PTPRD: variants seen among roughly 807,000 people sequenced by gnomAD.
The protein encoded by PTPRD is protein tyrosine phosphatase receptor type D.
In PTPRD, 34 loss-of-function variants were observed where a neutral mutation model predicts 214.5. The ratio of observed to expected loss-of-function variants is 0.16; its 90% confidence interval spans 0.12 to 0.21. The LOEUF (loss-of-function observed/expected upper bound fraction) is 0.21. PTPRD is among the 10% of genes least tolerant of loss of function. PTPRD has a pLI of 1.00. For missense variants in PTPRD, 2,545 were observed against 2,398.7 expected (o/e 1.06, Z -1.27); for synonymous variants, 1,128 against 845.7 (o/e 1.33, Z -5.79).
At chr9:8,682,595 T>C (rs1213411514) in intron 12 of PTPRD, among the ~76,000 whole-genome samples, 2 of 152,228 alleles carry the variant, frequency 1.3e-5, no homozygotes, top group African/African-American at 2.4e-5. Flanking sequence ...TTTATGCCTA[T>C]GGCAATTTGT....
chr9:8,769,777 G>C (rs1018306981), intron 11 of PTPRD, among the ~76,000 whole-genome samples: 2 of 150,716 alleles, frequency 1.3e-5, no homozygotes, highest in African/African-American at 4.9e-5. Flanking sequence ...GAGAGTTTTT[G>C]CTTGTAAATA....
chr9:8,369,394 A>G (rs577043289), intron 39 of PTPRD, among the ~76,000 whole-genome samples: 1 of 151,944 alleles, frequency 6.6e-6, no homozygotes, highest in South Asian at 2.1e-4. Context: ...GTGCTTCCAT[A>G]TGCAAAGTCA....
intron 11 of PTPRD, among the ~76,000 whole-genome samples, chr9:8,749,683 G>T (rs78502929): frequency 1.3e-5 from 2 of 152,134 alleles, no homozygotes; most frequent in African/African-American, 2.4e-5. Flanking sequence ...CATTAAAGTA[G>T]AATAACTTTA....
chr9:10,578,656 C>G (rs2070490813), intron 2 of PTPRD, among the ~76,000 whole-genome samples: 1 of 152,126 alleles, frequency 6.6e-6, no homozygotes, highest in Non-Finnish European at 1.5e-5. Context: ...GAGATTTTGT[C>G]ATGCCCAAAA....
intron 3 of PTPRD, among the ~76,000 whole-genome samples, chr9:10,057,489 C>T (rs963574174): frequency 1.5e-5 from 2 of 136,280 alleles, no homozygotes; most frequent in African/African-American, 6.3e-5. Flanking sequence ...GACCTAAGGA[C>T]ATTAAAGAAG....
chr9:9,812,581 A>G (rs1320083815), intron 5 of PTPRD, among the ~76,000 whole-genome samples: 2 of 152,218 alleles, frequency 1.3e-5, no homozygotes, highest in Non-Finnish European at 2.9e-5. Flanking sequence ...AAGTCACTAT[A>G]TAATGATAAA....
chr9:10,148,325 C>T (rs749655274), intron 3 of PTPRD, among the ~76,000 whole-genome samples: 3 of 152,126 alleles, frequency 2.0e-5, no homozygotes, highest in Non-Finnish European at 4.4e-5. Flanking sequence ...ATTTATTCAA[C>T]TGATAATTTT....
intron 9 of PTPRD, among the ~76,000 whole-genome samples, chr9:9,203,516 A>G (rs970620726): frequency 2.0e-5 from 3 of 152,172 alleles, no homozygotes; most frequent in African/African-American, 7.2e-5. Flanking sequence ...ATAAGTCATT[A>G]ACTCTGTCCC....
intron 10 of PTPRD, among the ~76,000 whole-genome samples, chr9:9,032,810 C>G (rs904020766): frequency 2.6e-5 from 4 of 152,002 alleles, no homozygotes; most frequent in African/African-American, 7.3e-5. Context: ...ATATTAATGA[C>G]TTCTTAGGGT....
At position 8,651,243 on chromosome 9, in the gene PTPRD, A is replaced by T. The variant is rs376857328; in HGVS notation, c.65-14399T>A. Among the ~76,000 whole-genome samples the T allele has an allele frequency of 3.8e-4, 58 of 152,276 alleles. 1 individual carries two copies. In the South Asian group the frequency reaches 9.4e-3, roughly 25 times the overall value. ...CCACGATGGATCTCTGCATTTTCACACAGTGGCCCCGCCCATTCACAAATT... is the reference window on the plus strand; with the variant it reads ...CCACGATGGATCTCTGCATTTTCACTCAGTGGCCCCGCCCATTCACAAATT... On this transcript the variant is annotated intron_variant, in intron 12 of 45. Transcript: ENST00000381196.
intron 9 of PTPRD, among the ~76,000 whole-genome samples, chr9:9,291,892 A>T (rs893899057): frequency 6.7e-6 from 1 of 150,136 alleles, no homozygotes; most frequent in Non-Finnish European, 1.5e-5. Flanking sequence ...TGTATGGTAT[A>T]TATATATATA....
At chr9:9,521,019 T>C (rs938303573) in intron 8 of PTPRD, among the ~76,000 whole-genome samples, 2 of 152,202 alleles carry the variant, frequency 1.3e-5, no homozygotes, top group Non-Finnish European at 2.9e-5. Context: ...CAGATGATTT[T>C]TATGCACACT....
chr9:8,501,922 T>G (rs889923608), intron 23 of PTPRD, among the ~76,000 whole-genome samples: 2 of 152,214 alleles, frequency 1.3e-5, no homozygotes, highest in South Asian at 2.1e-4. Flanking sequence ...TAATCATTTA[T>G]CCCTTACAAA....
rs553114155 is a variant in PTPRD, at chr9:8,909,239, A to G, written c.-104+109458T>C. Among the ~76,000 whole-genome samples the G allele has an allele frequency of 3.3e-5, 5 of 152,210 alleles. No individual in the cohort carries two copies. The South Asian group carries it at 1.0e-3, about 32-fold the overall frequency. On this transcript the variant is annotated intron_variant, in intron 11 of 45. Coordinates refer to ENST00000381196, the MANE Select transcript of PTPRD (RefSeq NM_002839.4). The stretch of plus-strand genomic sequence containing the variant: ...ACTCCTTCAGAAAATAGAAGACAGA[A>G]CACTCCCAAACTCATTCTATGATGC...
At chr9:9,647,666 A>G (rs1460108942) in intron 7 of PTPRD, among the ~76,000 whole-genome samples, 1 of 152,190 alleles carries the variant, frequency 6.6e-6, no homozygotes, top group African/African-American at 2.4e-5. Context: ...AGGTCAAGAC[A>G]TGCAAGACAT....
chr9:9,676,557 T>C (rs536677381), intron 7 of PTPRD, among the ~76,000 whole-genome samples: 1 of 152,264 alleles, frequency 6.6e-6, no homozygotes, highest in South Asian at 2.1e-4. Context: ...TCCAAGTCTT[T>C]GTTATTGTGA....
chr9:9,934,134 C>A (rs1331187606), intron 5 of PTPRD, among the ~76,000 whole-genome samples: 2 of 149,164 alleles, frequency 1.3e-5, no homozygotes, highest in Non-Finnish European at 2.9e-5. Context: ...CAGGTAAGAT[C>A]CAAAATTGAC....
intron 9 of PTPRD, among the ~76,000 whole-genome samples, chr9:9,278,374 C>CT (rs1946420279): frequency 6.6e-6 from 1 of 151,270 alleles, no homozygotes; most frequent in African/African-American, 2.4e-5. Flanking sequence ...GGGAAATTCA[C>CT]TACACAGCCT....
intron 2 of PTPRD, among the ~76,000 whole-genome samples, chr9:10,439,580 G>A (rs1387234913): frequency 1.3e-5 from 2 of 151,290 alleles, no homozygotes; most frequent in Admixed American, 1.3e-4. Flanking sequence ...AAGTCAGGCA[G>A]AAAGTAACTA....
Sources: allele counts gnomAD v4.1 joint callset (sites outside exome capture counted in the v4.1 genomes callset), GRCh38; gene constraint gnomAD v4.1.1; transcripts MANE v1.5; gene names NCBI Gene and HGNC (gene_info 2026-07-23, HGNC 2026-07-21).